The following STXBP4 variants were observed in gnomAD, a reference collection of about 807,000 sequenced individuals.
STXBP4 encodes syntaxin-binding protein 4.
STXBP4 carries 55 observed loss-of-function variants against 76.1 expected under a neutral mutation model. The ratio of observed to expected loss-of-function variants is 0.72; its 90% CI spans 0.58 to 0.91. The LOEUF (loss-of-function observed/expected upper bound fraction) is 0.91, where lower values mean the gene tolerates loss of function less well. Among genes scored for constraint, STXBP4 ranks in the 40% least tolerant of loss-of-function variants. The probability of loss-of-function intolerance (pLI) is 0.00; values close to 1 mark genes in which losing one functional copy is unlikely to be tolerated. For synonymous variants in STXBP4, 201 were observed against 220.2 expected, an observed-to-expected ratio of 0.91 and a Z score of 0.77; for missense variants, 618 against 636.9, an observed-to-expected ratio of 0.97 and a Z score of 0.32.
In STXBP4 at chr17:55,171,430, G is replaced by C. The variant is rs1323902367; in HGVS notation, c.*11519G>C. On this transcript the variant is annotated 3_prime_UTR_variant, in exon 18 of 18. Transcript: ENST00000376352. ...TTTAATTCTTATTTTGCTTAAGGCT[G>C]AGTTTTTAAAACATCTAACATCAGC... is the stretch of plus-strand genomic sequence containing the variant. 5 of 152,140 alleles carry C rather than the reference G, an allele frequency of 3.3e-5. No homozygotes were observed. Among genetic ancestry groups the C allele is most frequent in the African/African-American group, 1.2e-4 (5 of 41,432 alleles). 9.4% of individuals were successfully genotyped at this position (152,140 alleles called of 1,614,324 possible).
At chr17:55,192,282 G>A in the STXBP4 span, among the ~76,000 whole-genome samples, 1 of 152,252 alleles carries the variant, frequency 6.6e-6, no homozygotes, top group African/African-American at 2.4e-5. Context: ...CATCCCAGAA[G>A]TAAATAAACT....
At chr17:55,121,294 A>C (rs1428193992) in intron 16 of STXBP4, among the ~76,000 whole-genome samples, 5 of 152,236 alleles carry the variant, frequency 3.3e-5, no homozygotes, top group African/African-American at 9.6e-5. Context: ...ATAGAGAATG[A>C]AACATTTAAT....
chr17:55,105,469 T>TTTTC (rs1491278280), intron 16 of STXBP4, among the ~76,000 whole-genome samples: 660 of 98,942 alleles, frequency 6.7e-3, no homozygotes, highest in Middle Eastern at 0.026. Flanking sequence ...CTTTCTTTTC[T>TTTTC]TTTTTTTTTT....
At chr17:55,083,531 A>T (rs1409678259) in intron 16 of STXBP4, among the ~76,000 whole-genome samples, 1 of 152,098 alleles carries the variant, frequency 6.6e-6, no homozygotes, top group Non-Finnish European at 1.5e-5. Flanking sequence ...GCTTAAACCA[A>T]CAATTTAGTA....
At chr17:54,991,952 C>T (rs2077725041) in intron 4 of STXBP4, 1 of 152,042 alleles carries the variant, frequency 6.6e-6, no homozygotes, top group Non-Finnish European at 1.5e-5. Flanking sequence ...CCTCCCCCAC[C>T]ACTGCAAACA....
intron 8 of STXBP4, among the ~76,000 whole-genome samples, chr17:55,018,135 G>A (rs2078241195): frequency 6.6e-6 from 1 of 151,212 alleles, no homozygotes; most frequent in Admixed American, 6.6e-5. Context: ...CATGTGGTGA[G>A]TGTTAGAGCT....
intron 16 of STXBP4, among the ~76,000 whole-genome samples, chr17:55,106,992 G>A (rs555152415): frequency 6.6e-6 from 1 of 152,268 alleles, no homozygotes; most frequent in African/African-American, 2.4e-5. Flanking sequence ...GTCTTGCTAG[G>A]TTGGGGAAGT....
chr17:55,026,299 A>G (rs1296439988), intron 8 of STXBP4, among the ~76,000 whole-genome samples: 3 of 152,140 alleles, frequency 2.0e-5, no homozygotes, highest in Admixed American at 2.0e-4. Flanking sequence ...AATGCAAAAG[A>G]CCCAAAATAG....
At chr17:54,975,148 T>G (rs2077453247) in intron 1 of STXBP4, among the ~76,000 whole-genome samples, 2 of 152,198 alleles carry the variant, frequency 1.3e-5, no homozygotes. Flanking sequence ...GAAATTATTT[T>G]TTGTTTTTGA....
chr17:55,111,273 CT>C (rs1275074931), intron 16 of STXBP4, among the ~76,000 whole-genome samples: 1 of 152,048 alleles, frequency 6.6e-6, no homozygotes, highest in Non-Finnish European at 1.5e-5. Flanking sequence ...TTATGAAGAC[CT>C]TCCTTTTTGG....
chr17:55,187,030 G>A, the STXBP4 span, among the ~76,000 whole-genome samples: 260 of 152,344 alleles, frequency 1.7e-3, 7 homozygotes, highest in South Asian at 0.045. Context: ...GCTGTGGGGC[G>A]AAGAAATACA....
intron 16 of STXBP4, among the ~76,000 whole-genome samples, chr17:55,129,850 C>T (rs150933700): frequency 1.1e-3 from 170 of 152,294 alleles, no homozygotes; most frequent in Non-Finnish European, 2.1e-3. Context: ...AAATACTAAT[C>T]TAGGTGCTGC....
At chr17:55,178,757 C>G in the STXBP4 span, among the ~76,000 whole-genome samples, 1 of 152,136 alleles carries the variant, frequency 6.6e-6, no homozygotes, top group Non-Finnish European at 1.5e-5. Flanking sequence ...CAGCTGAGGT[C>G]CAGTTCAAGT....
At chr17:55,196,969 A>T in the STXBP4 span, among the ~76,000 whole-genome samples, 1 of 152,250 alleles carries the variant, frequency 6.6e-6, no homozygotes, top group Non-Finnish European at 1.5e-5. Flanking sequence ...AATGAAAGCC[A>T]CGTTCTCTTT....
Position 55,160,444 on chromosome 17 carries a change from A to C in STXBP4, c.*533A>C, listed in dbSNP as rs2080326986. ...ATCTTTGTGGAGCTTTCTAATTTAC[A>C]AAATGCTTTGTAGACCCCATTGTCT... On this transcript the variant is annotated 3_prime_UTR_variant, in exon 18 of 18. Coordinates refer to ENST00000376352, the MANE Select transcript of STXBP4 (RefSeq NM_178509.6). 6.5e-6 allele frequency: 1 copy of C among 152,726 alleles called. No individual in the cohort carries two copies. The highest frequency in any genetic ancestry group is 2.4e-5 in the African/African-American group (1 of 41,456). 9.5% of individuals were successfully genotyped at this position (152,726 alleles called of 1,614,324 possible).
In STXBP4 at chr17:55,170,532, A is replaced by G. The variant is rs946672349; in HGVS notation, c.*10621A>G. The G allele has an allele frequency of 3.3e-5, 5 of 152,200 alleles. No individual in the cohort carries two copies. The highest frequency in any genetic ancestry group is 1.2e-4 in the African/African-American group (5 of 41,454). The allele number at this position is 152,200 out of a possible 1,614,324, so 9.4% of individuals were successfully genotyped here. On this transcript the variant is annotated 3_prime_UTR_variant, in exon 18 of 18. Transcript: ENST00000376352. ...GTGAGCCTGTCCTTTATAAGAAAAA[A>G]TGCTAATGATTTATTGTGTATGAAA... is the stretch of plus-strand genomic sequence containing the variant.
intron 16 of STXBP4, among the ~76,000 whole-genome samples, chr17:55,082,984 C>T (rs1274038140): frequency 2.0e-5 from 3 of 151,050 alleles, no homozygotes; most frequent in Non-Finnish European, 4.4e-5. Context: ...TTTTTTAAGA[C>T]ATGGTCTTGC....
chr17:54,977,608 T>C (rs1185004181), intron 1 of STXBP4, among the ~76,000 whole-genome samples: 1 of 152,228 alleles, frequency 6.6e-6, no homozygotes, highest in African/African-American at 2.4e-5. Context: ...TGATCTTTTA[T>C]ATATTGGTTT....
intron 12 of STXBP4, among the ~76,000 whole-genome samples, chr17:55,057,105 A>T (rs2078934401): frequency 6.6e-6 from 1 of 152,174 alleles, no homozygotes; most frequent in African/African-American, 2.4e-5. Context: ...TTTTCCTTGT[A>T]GTTTGTAGTT....
Sources: gnomAD v4.1 joint callset for allele counts (sites outside exome capture counted in the v4.1 genomes callset) on GRCh38, gnomAD v4.1.1 for gene constraint, MANE v1.5 for transcripts, NCBI Gene and HGNC (gene_info 2026-07-23, HGNC 2026-07-21) for gene names.